Variants in LEMD1 observed in about 807,000 individuals in gnomAD.
LEMD1 encodes LEM domain-containing protein 1.
Under a neutral mutation model 17.4 loss-of-function variants are expected in LEMD1, and 18 were observed. The ratio of observed to expected loss-of-function variants is 1.04; its 90% confidence interval spans 0.72 to 1.54. The LOEUF is 1.54. Among genes scored for constraint, LEMD1 ranks in the 40% most tolerant of loss-of-function variants. LEMD1 has a pLI of 0.00. For missense variants in LEMD1, 195 were observed against 210.4 expected (o/e 0.93, Z 0.45); for synonymous variants, 88 against 77.8 (o/e 1.13, Z -0.69).
chr1:205,404,798 G>T (rs867303839), intron 4 of LEMD1, among the ~76,000 whole-genome samples: 206 of 152,100 alleles, frequency 1.4e-3, no homozygotes, highest in Non-Finnish European at 2.5e-3. Flanking sequence ...TCCTAGTCTC[G>T]ATGGTCTTTA....
chr1:205,447,117 A>T (rs748010518), intron 1 of LEMD1, among the ~76,000 whole-genome samples: 82 of 152,330 alleles, frequency 5.4e-4, no homozygotes, highest in Non-Finnish European at 8.5e-4. Context: ...GGCTCTCCCA[A>T]TATGCAGCAT....
chr1:205,411,670 GAAAAGAAA>G (rs1188733510), intron 4 of LEMD1, among the ~76,000 whole-genome samples: 42 of 126,932 alleles, frequency 3.3e-4, no homozygotes, highest in African/African-American at 1.3e-3. Flanking sequence ...AAGAAAGAAA[GAAAAGAAA>G]GAAAGAAAGA....
chr1:205,404,880 C>A (rs1665017095), intron 4 of LEMD1, among the ~76,000 whole-genome samples: 4 of 151,442 alleles, frequency 2.6e-5, no homozygotes, highest in Non-Finnish European at 2.9e-5. Flanking sequence ...TTCAGGAGCT[C>A]TTTTAGGGCA....
chr1:205,385,897 G>A (rs1663986700), intron 4 of LEMD1: 7 of 152,340 alleles, frequency 4.6e-5, no homozygotes, highest in Admixed American at 3.3e-4. Flanking sequence ...GTGGTATAAG[G>A]AGCTGGGACT....
At position 205,438,180 on chromosome 1, in the gene LEMD1, G is replaced by T. The variant is rs561170719; in HGVS notation, c.-39+11688C>A. On this transcript the variant is annotated intron_variant, in intron 1 of 3. Transcript: ENST00000367154. ...CCAAGAGGGAAAATGGCCATGGGAAGTCCTCGCTTTACAGATGGGGAAAAC... is the reference window on the plus strand; with the variant it reads ...CCAAGAGGGAAAATGGCCATGGGAATTCCTCGCTTTACAGATGGGGAAAAC... Among the ~76,000 whole-genome samples, 8 of 152,340 alleles carry T rather than the reference G, an allele frequency of 5.3e-5. No individual in the cohort carries two copies. The South Asian group carries it at 1.4e-3, about 28-fold the overall frequency.
chr1:205,415,209 A>G (rs1268806448), intron 4 of LEMD1, among the ~76,000 whole-genome samples: 4 of 152,220 alleles, frequency 2.6e-5, no homozygotes, highest in African/African-American at 9.6e-5. Context: ...TGTGTAACCC[A>G]CAAAATGTTC....
intron 1 of LEMD1, among the ~76,000 whole-genome samples, chr1:205,432,312 G>A (rs1666135783): frequency 6.6e-6 from 1 of 152,118 alleles, no homozygotes; most frequent in Non-Finnish European, 1.5e-5. Context: ...TCCTTTGTGT[G>A]CTCCCGGTCT....
intron 1 of LEMD1, among the ~76,000 whole-genome samples, chr1:205,438,570 T>C (rs921049020): frequency 6.6e-6 from 1 of 152,192 alleles, no homozygotes; most frequent in African/African-American, 2.4e-5. Context: ...CCCATTTTCC[T>C]GAGAAGGAAA....
chr1:205,382,610 C>T (rs1039990668), intron 5 of LEMD1, among the ~76,000 whole-genome samples: 1 of 152,086 alleles, frequency 6.6e-6, no homozygotes, highest in Non-Finnish European at 1.5e-5. Flanking sequence ...GATATGAGGT[C>T]TCTCAAATCC....
intron 3 of LEMD1, among the ~76,000 whole-genome samples, chr1:205,417,828 A>G (rs1386607566): frequency 4.6e-5 from 3 of 65,766 alleles, no homozygotes; most frequent in Non-Finnish European, 1.0e-4. Flanking sequence ...TAGATCAGAC[A>G]TGGTAAAAAA....
At chr1:205,438,784 A>C (rs183205760) in intron 1 of LEMD1, among the ~76,000 whole-genome samples, 1 of 152,012 alleles carries the variant, frequency 6.6e-6, no homozygotes, top group Non-Finnish European at 1.5e-5. Context: ...GCCAGGGCTC[A>C]AGATATCTAG....
intron 1 of LEMD1, among the ~76,000 whole-genome samples, chr1:205,427,262 C>A (rs538666873): frequency 6.6e-6 from 1 of 151,748 alleles, no homozygotes; most frequent in African/African-American, 2.4e-5. Flanking sequence ...TCACAGTAAG[C>A]GCTCACAAGT....
intron 1 of LEMD1, among the ~76,000 whole-genome samples, chr1:205,431,903 G>T (rs993936205): frequency 6.6e-6 from 1 of 152,132 alleles, no homozygotes; most frequent in Non-Finnish European, 1.5e-5. Flanking sequence ...TTTTAATAGA[G>T]ACGGGGTTTC....
intron 4 of LEMD1, among the ~76,000 whole-genome samples, chr1:205,407,814 AC>A (rs1665191184): frequency 6.6e-6 from 1 of 152,142 alleles, no homozygotes; most frequent in Non-Finnish European, 1.5e-5. Context: ...GTGGGATCTG[AC>A]GCTAACTCCA....
intron 4 of LEMD1, among the ~76,000 whole-genome samples, chr1:205,399,744 T>C (rs958335201): frequency 1.3e-5 from 2 of 152,242 alleles, no homozygotes; most frequent in Non-Finnish European, 2.9e-5. Context: ...GTGATGTCAG[T>C]GGATACAACC....
chr1:205,447,169 T>C (rs934641464), intron 1 of LEMD1, among the ~76,000 whole-genome samples: 1 of 152,216 alleles, frequency 6.6e-6, no homozygotes, highest in African/African-American at 2.4e-5. Flanking sequence ...ACCACGTGGG[T>C]TCACGTCCCA....
At chr1:205,397,501 C>G (rs1480146084) in intron 4 of LEMD1, among the ~76,000 whole-genome samples, 1 of 152,122 alleles carries the variant, frequency 6.6e-6, no homozygotes, top group Non-Finnish European at 1.5e-5. Context: ...CTTAGCTGCT[C>G]AGAAGTCTGA....
chr1:205,430,395 A>G (rs1006886506), intron 1 of LEMD1, among the ~76,000 whole-genome samples: 5 of 152,160 alleles, frequency 3.3e-5, no homozygotes, highest in African/African-American at 1.2e-4. Flanking sequence ...CATGGATCCC[A>G]GTTGTAACTA....
At chr1:205,418,395 C>T (rs530930608) in intron 3 of LEMD1, among the ~76,000 whole-genome samples, 20 of 152,320 alleles carry the variant, frequency 1.3e-4, no homozygotes, top group Non-Finnish European at 2.5e-4. Flanking sequence ...CAGCAAAGCC[C>T]AGAGATCCTG....
Sources: gnomAD v4.1 joint callset for allele counts (sites outside exome capture counted in the v4.1 genomes callset) on GRCh38, gnomAD v4.1.1 for gene constraint, MANE v1.5 for transcripts, NCBI Gene and HGNC (gene_info 2026-07-23, HGNC 2026-07-21) for gene names.